Variants in CSMD1 observed in about 807,000 individuals in gnomAD.
The protein encoded by CSMD1 is CUB and sushi domain-containing protein 1.
CSMD1 carries 213 observed loss-of-function variants against 417.5 expected under a neutral mutation model. That is an observed-to-expected ratio of 0.51 (90% confidence interval 0.46 to 0.57). CSMD1 has a LOEUF of 0.57. Among genes scored for constraint, CSMD1 ranks in the 20% least tolerant of loss-of-function variants. The probability of loss-of-function intolerance (pLI) is 0.00; values close to 1 mark genes in which losing one functional copy is unlikely to be tolerated. For synonymous variants in CSMD1, 2,862 were observed against 1,736.8 expected (o/e 1.65, Z -16.11); for missense variants, 6,923 against 4,529.7 (o/e 1.53, Z -15.17).
At chr8:3,700,866 G>C (rs1438753689) in intron 7 of CSMD1, among the ~76,000 whole-genome samples, 1 of 152,144 alleles carries the variant, frequency 6.6e-6, no homozygotes, top group African/African-American at 2.4e-5. Flanking sequence ...AAACGTTTGA[G>C]GGTCTGGAGA....
At chr8:4,718,255 G>A (rs1457195) in intron 1 of CSMD1, among the ~76,000 whole-genome samples, 1 of 152,152 alleles carries the variant, frequency 6.6e-6, no homozygotes, top group Non-Finnish European at 1.5e-5. Flanking sequence ...GGGATTACAG[G>A]TGTGAGCCAC....
At chr8:4,233,365 C>T (rs1801858569) in intron 3 of CSMD1, among the ~76,000 whole-genome samples, 1 of 152,166 alleles carries the variant, frequency 6.6e-6, no homozygotes. Flanking sequence ...TAGTTTTTCT[C>T]AGTGACTAAG....
intron 3 of CSMD1, among the ~76,000 whole-genome samples, chr8:4,370,535 C>T (rs1472603145): frequency 1.3e-5 from 2 of 152,204 alleles, no homozygotes; most frequent in African/African-American, 2.4e-5. Flanking sequence ...AAATGTGTTT[C>T]TCAAGTTTCT....
chr8:4,054,119 C>A (rs1433450286), intron 3 of CSMD1, among the ~76,000 whole-genome samples: 2 of 152,148 alleles, frequency 1.3e-5, no homozygotes, highest in African/African-American at 4.8e-5. Flanking sequence ...CTCTAAGCAG[C>A]CATTCTCCAC....
intron 4 of CSMD1, among the ~76,000 whole-genome samples, chr8:4,018,625 A>C (rs1038551499): frequency 3.9e-5 from 6 of 152,256 alleles, no homozygotes; most frequent in African/African-American, 1.4e-4. Flanking sequence ...GGATTCAAGC[A>C]CATGTTTCTC....
intron 10 of CSMD1, among the ~76,000 whole-genome samples, chr8:3,536,385 T>C (rs915102193): frequency 2.6e-5 from 4 of 152,244 alleles, no homozygotes; most frequent in African/African-American, 7.2e-5. Context: ...TGACCATTGA[T>C]TCTACTACGT....
intron 1 of CSMD1, among the ~76,000 whole-genome samples, chr8:4,883,241 A>C (rs1271576267): frequency 6.6e-6 from 1 of 152,122 alleles, no homozygotes; most frequent in Non-Finnish European, 1.5e-5. Flanking sequence ...TCTAACAAGG[A>C]TCAGATAAGA....
chr8:3,729,251 C>T (rs1383073685), intron 6 of CSMD1, among the ~76,000 whole-genome samples: 2 of 152,194 alleles, frequency 1.3e-5, no homozygotes, highest in Non-Finnish European at 2.9e-5. Context: ...TTTTTAATGA[C>T]TGACGGCTTG....
In CSMD1 at chr8:3,895,685, T is replaced by C. The variant is rs867494406; in HGVS notation, c.818+102218A>G. Among the ~76,000 whole-genome samples the C allele has an allele frequency of 3.4e-4, 52 of 152,354 alleles. No homozygotes were observed. The Middle Eastern group carries it at 0.014, about 40-fold the overall frequency. On this transcript the variant is annotated intron_variant, in intron 5 of 69. Transcript: ENST00000635120. ...GAGACACACATATTTATAATCCAAGTATTTGTATTTAGTTCCTAACTTGTC... is the reference window on the plus strand; with the variant it reads ...GAGACACACATATTTATAATCCAAGCATTTGTATTTAGTTCCTAACTTGTC...
intron 1 of CSMD1, among the ~76,000 whole-genome samples, chr8:4,831,083 G>A (rs1428643852): frequency 6.6e-6 from 1 of 152,092 alleles, no homozygotes; most frequent in African/African-American, 2.4e-5. Context: ...AAAGTGGGAG[G>A]GATGTTTTTT....
At chr8:4,089,780 A>T (rs927711658) in intron 3 of CSMD1, among the ~76,000 whole-genome samples, 6 of 152,176 alleles carry the variant, frequency 3.9e-5, no homozygotes, top group African/African-American at 1.4e-4. Flanking sequence ...GTTATGGGCA[A>T]TAATGCCACT....
At position 4,014,618 on chromosome 8, in the gene CSMD1, C is replaced by G. The variant is rs113120151; in HGVS notation, c.611-16508G>C. 6.9e-3 allele frequency among the ~76,000 whole-genome samples: 1,054 copies of G among 152,240 alleles called. 62 individuals are homozygous for G. In the East Asian group the frequency reaches 0.14, roughly 20 times the overall value. ...CCTGTGAGATTAAAAGTAATATTAG[C>G]CCAACTTAACAAATTCAGAGCCTGG... is the stretch of plus-strand genomic sequence containing the variant. On this transcript the variant is annotated intron_variant, in intron 4 of 69. Transcript: ENST00000635120.
intron 6 of CSMD1, among the ~76,000 whole-genome samples, chr8:3,714,568 A>AAAAAAAAAAC (rs1801720160): frequency 6.9e-6 from 1 of 145,360 alleles, no homozygotes. Context: ...TCCCAAAAAA[A>AAAAAAAAAAC]AAAAAAAAAA....
intron 1 of CSMD1, among the ~76,000 whole-genome samples, chr8:4,954,883 C>G (rs1021778301): frequency 2.0e-5 from 3 of 152,198 alleles, no homozygotes; most frequent in Non-Finnish European, 4.4e-5. Flanking sequence ...TTCAGGAATT[C>G]AGAGTACTTT....
chr8:3,346,802 G>C (rs1390943607), intron 22 of CSMD1, among the ~76,000 whole-genome samples: 1 of 152,168 alleles, frequency 6.6e-6, no homozygotes, highest in Non-Finnish European at 1.5e-5. Context: ...TGACAATACT[G>C]AATCTAAAAT....
chr8:4,270,084 G>T (rs932674824), intron 3 of CSMD1, among the ~76,000 whole-genome samples: 1 of 152,128 alleles, frequency 6.6e-6, no homozygotes, highest in African/African-American at 2.4e-5. Context: ...AGAGAAACAT[G>T]ATCAGATCAA....
At chr8:3,234,988 C>T (rs1442409) in intron 26 of CSMD1, among the ~76,000 whole-genome samples, 92,666 of 152,032 alleles carry the variant, frequency 0.61, 28,941 homozygotes, top group Non-Finnish European at 0.67. Flanking sequence ...TCTGAATGAA[C>T]TTCCCATCTT....
intron 2 of CSMD1, among the ~76,000 whole-genome samples, chr8:4,566,525 C>T (rs184617736): frequency 1.3e-5 from 2 of 151,638 alleles, no homozygotes; most frequent in South Asian, 2.1e-4. Flanking sequence ...TGGTGGCGGG[C>T]GCCTGCAGTC....
intron 12 of CSMD1, among the ~76,000 whole-genome samples, chr8:3,467,326 T>C (rs1458882461): frequency 6.6e-6 from 1 of 152,214 alleles, no homozygotes; most frequent in African/African-American, 2.4e-5. Flanking sequence ...GGGAAGTGTC[T>C]GGTATTTCAC....
Sources: allele counts gnomAD v4.1 joint callset (sites outside exome capture counted in the v4.1 genomes callset), GRCh38; gene constraint gnomAD v4.1.1; transcripts MANE v1.5; gene names NCBI Gene and HGNC (gene_info 2026-07-23, HGNC 2026-07-21).